KHDRBS2: variants seen among roughly 807,000 people sequenced by gnomAD.
KHDRBS2 encodes KH RNA binding domain containing, signal transduction associated 2, also known as KH domain-containing, RNA-binding, signal transduction-associated protein 2.
KHDRBS2 carries 26 observed loss-of-function variants against 44.3 expected under a neutral mutation model. The ratio of observed to expected loss-of-function variants is 0.59; its 90% CI spans 0.43 to 0.81. KHDRBS2 has a LOEUF of 0.81. Ranked by LOEUF, KHDRBS2 falls within the 40% of genes least tolerant of loss-of-function variation. The pLI is 0.00. For synonymous variants in KHDRBS2, 194 were observed against 151.1 expected, an observed-to-expected ratio of 1.28 and a Z score of -2.08; for missense variants, 476 against 433.1, an observed-to-expected ratio of 1.10 and a Z score of -0.88.
chr6:62,019,454 C>T (rs1447070089), intron 3 of KHDRBS2, among the ~76,000 whole-genome samples: 1 of 152,040 alleles, frequency 6.6e-6, no homozygotes, highest in East Asian at 1.9e-4. Flanking sequence ...GCAATGCTGG[C>T]ATCATAGAAT....
chr6:61,861,575 G>A (rs1796972208), intron 6 of KHDRBS2, among the ~76,000 whole-genome samples: 2 of 150,078 alleles, frequency 1.3e-5, no homozygotes, highest in African/African-American at 4.9e-5. Flanking sequence ...TGGTCTATGT[G>A]TCTTTTTTTT....
intron 2 of KHDRBS2, among the ~76,000 whole-genome samples, chr6:62,073,809 C>T (rs938278365): frequency 1.3e-5 from 2 of 151,684 alleles, no homozygotes; most frequent in Non-Finnish European, 2.9e-5. Context: ...TAGCTCTTCA[C>T]CAAGATCGAC....
intron 6 of KHDRBS2, among the ~76,000 whole-genome samples, chr6:61,841,062 C>T (rs988662470): frequency 2.0e-5 from 3 of 152,030 alleles, no homozygotes; most frequent in Admixed American, 1.3e-4. Context: ...GTTTTATAAT[C>T]AAGGCATTTT....
At chr6:61,773,796 A>G (rs1011648606) in intron 6 of KHDRBS2, among the ~76,000 whole-genome samples, 72 of 150,354 alleles carry the variant, frequency 4.8e-4, no homozygotes, top group African/African-American at 1.7e-3. Flanking sequence ...TTAAGTCTTT[A>G]AACCATCTTG....
intron 3 of KHDRBS2, among the ~76,000 whole-genome samples, chr6:61,995,239 A>C (rs921002035): frequency 6.6e-5 from 10 of 152,278 alleles, no homozygotes; most frequent in Non-Finnish European, 1.0e-4. Flanking sequence ...GGTACAATTA[A>C]TTGAGAAGAG....
intron 4 of KHDRBS2, among the ~76,000 whole-genome samples, chr6:61,955,863 T>G (rs1205715654): frequency 2.0e-5 from 3 of 152,114 alleles, no homozygotes; most frequent in Admixed American, 2.0e-4. Context: ...TATCTCATTT[T>G]CTTCTTATTC....
At chr6:62,209,638 C>T (rs1314070576) in intron 1 of KHDRBS2, among the ~76,000 whole-genome samples, 3 of 152,034 alleles carry the variant, frequency 2.0e-5, no homozygotes, top group South Asian at 2.1e-4. Context: ...GAAGGTGTTG[C>T]CAAGGGAGAT....
At chr6:61,571,972 T>G in the KHDRBS2 span, among the ~76,000 whole-genome samples, 1,756 of 151,872 alleles carry the variant, frequency 0.012, 30 homozygotes, top group African/African-American at 0.041. Context: ...CAAAGATAAA[T>G]TCAGAACTAA....
At chr6:62,222,513 T>C (rs1202470744) in intron 1 of KHDRBS2, among the ~76,000 whole-genome samples, 1 of 152,084 alleles carries the variant, frequency 6.6e-6, no homozygotes, top group Non-Finnish European at 1.5e-5. Flanking sequence ...AACACTATGA[T>C]GGGAACTGCC....
chr6:61,770,774 C>T (rs1395013089), intron 6 of KHDRBS2, among the ~76,000 whole-genome samples: 1 of 152,140 alleles, frequency 6.6e-6, no homozygotes, highest in African/African-American at 2.4e-5. Flanking sequence ...AGGATATTAT[C>T]CAGGAGAACT....
intron 6 of KHDRBS2, among the ~76,000 whole-genome samples, chr6:61,742,553 T>C (rs1357505914): frequency 1.3e-5 from 2 of 152,046 alleles, no homozygotes; most frequent in Non-Finnish European, 2.9e-5. Flanking sequence ...ATTGAATAGA[T>C]GAACTTCTGA....
At chr6:61,806,184 C>T (rs1204398509) in intron 6 of KHDRBS2, among the ~76,000 whole-genome samples, 10 of 152,006 alleles carry the variant, frequency 6.6e-5, no homozygotes, top group Admixed American at 1.3e-4. Context: ...AGGTCTGGGA[C>T]GAAGCTGGAA....
At chr6:61,589,541 T>A in the KHDRBS2 span, among the ~76,000 whole-genome samples, 2 of 152,212 alleles carry the variant, frequency 1.3e-5, no homozygotes, top group Admixed American at 6.5e-5. Flanking sequence ...TTTCTCAGGA[T>A]AATTTGACCT....
chr6:61,988,404 TGGGAGTACA>T (rs2127242584), intron 3 of KHDRBS2, among the ~76,000 whole-genome samples: 1 of 152,328 alleles, frequency 6.6e-6, no homozygotes, highest in Admixed American at 6.5e-5. Flanking sequence ...CAGGGCAATA[TGGGAGTACA>T]CTTATCTCAA....
At chr6:61,682,590 C>G (rs1206700212) in intron 8 of KHDRBS2, among the ~76,000 whole-genome samples, 1 of 151,746 alleles carries the variant, frequency 6.6e-6, no homozygotes, top group African/African-American at 2.4e-5. Context: ...TTTCACGATA[C>G]AAAGGAAAAG....
At chr6:61,720,942 A>G (rs1772375053) in intron 7 of KHDRBS2, among the ~76,000 whole-genome samples, 5 of 150,236 alleles carry the variant, frequency 3.3e-5, no homozygotes, top group Admixed American at 3.3e-4. Flanking sequence ...ATCCATCTTG[A>G]ATTGATTTTT....
At chr6:61,723,282 GAATCAATGCAAA>G (rs1413248510) in intron 7 of KHDRBS2, among the ~76,000 whole-genome samples, 1 of 152,008 alleles carries the variant, frequency 6.6e-6, no homozygotes, top group Admixed American at 6.6e-5. Flanking sequence ...AGATGAGAAA[GAATCAATGCAAA>G]AATGCTGAAA....
At chr6:61,753,635 G>A (rs568918067) in intron 6 of KHDRBS2, among the ~76,000 whole-genome samples, 3 of 152,248 alleles carry the variant, frequency 2.0e-5, no homozygotes, top group South Asian at 2.1e-4. Context: ...AAGAAAGCAT[G>A]AGGATAAGAG....
At position 61,954,387 on chromosome 6, in the gene KHDRBS2, A is replaced by G. The variant is rs565531980; in HGVS notation, c.483+23679T>C. On this transcript the variant is annotated intron_variant, in intron 4 of 8. Transcript: ENST00000281156. ...CATATATACGTATGTATGCATGCAT[A>G]CATATATACGTATGTATGCATGCAT... Among the ~76,000 whole-genome samples, 124 of 145,158 alleles carry G rather than the reference A, an allele frequency of 8.5e-4. 2 individuals carry two copies. The highest frequency in any genetic ancestry group is 3.0e-3 in the African/African-American group (118 of 39,610).
Sources: gnomAD v4.1 joint callset for allele counts (sites outside exome capture counted in the v4.1 genomes callset) on GRCh38, gnomAD v4.1.1 for gene constraint, MANE v1.5 for transcripts, NCBI Gene and HGNC (gene_info 2026-07-23, HGNC 2026-07-21) for gene names.